ZNF791: variants seen among roughly 807,000 people sequenced by gnomAD.
ZNF791 encodes zinc finger protein 791.
Under a neutral mutation model 11.5 loss-of-function variants are expected in ZNF791, and 4 were observed. That is an observed-to-expected ratio of 0.35 (90% CI 0.17 to 0.80). The LOEUF is 0.80. ZNF791 is among the 30% of genes least tolerant of loss of function. The pLI, the probability that ZNF791 is intolerant of heterozygous loss-of-function variation, is 0.53. For synonymous variants in ZNF791, 212 were observed against 228.1 expected (o/e 0.93, Z 0.64); for missense variants, 559 against 699.4 (o/e 0.80, Z 2.26).
intron 1 of ZNF791, among the ~76,000 whole-genome samples, chr19:12,622,616 C>T (rs902919676): frequency 6.6e-6 from 1 of 151,304 alleles, no homozygotes; most frequent in Non-Finnish European, 1.5e-5. Context: ...AAACCCCAGC[C>T]GGAGGCAGTG....
intron 2 of ZNF791, 92 bp downstream of exon 2, chr19:12,623,918 C>G: frequency 7.2e-6 from 8 of 1,110,888 alleles, no homozygotes; most frequent in Non-Finnish European, 9.8e-6. Context: ...AGCAATGGCA[C>G]AATCTCAGCT....
chr19:12,619,194 C>T (rs963245641), intron 1 of ZNF791, among the ~76,000 whole-genome samples: 2 of 151,986 alleles, frequency 1.3e-5, no homozygotes, highest in African/African-American at 2.4e-5. Context: ...GCAGGCTATC[C>T]GTTCCAATGG....
intron 1 of ZNF791, among the ~76,000 whole-genome samples, chr19:12,614,729 G>T (rs969388208): frequency 3.3e-5 from 5 of 151,528 alleles, no homozygotes; most frequent in Admixed American, 3.3e-4. Context: ...CAGGTAGCTG[G>T]GATTACAGGC....
rs774430664 is a variant in ZNF791 at position 12,624,696 on chromosome 19, A to G, written c.177A>G (p.Gln59=). The change falls in exon 3 of 4, where the codon CAA becomes CAG. Residue 59 remains glutamine (Q), a synonymous_variant. Coordinates refer to ENST00000343325, the MANE Select transcript of ZNF791 (RefSeq NM_153358.3). ...DPNVEDQHKN[Q]GRNLRSHTGE... ...ATGTTGAAGATCAACACAAAAACCA[A>G]GGACGAAATCTAAGGTGAGTTGCAC... 6.2e-7 allele frequency: 1 copy of G among 1,608,154 alleles called. No homozygotes were observed. The highest frequency in any genetic ancestry group is 2.2e-5 in the East Asian group (1 of 44,618).
intron 1 of ZNF791, among the ~76,000 whole-genome samples, chr19:12,617,003 A>G (rs1334761895): frequency 8.9e-6 from 1 of 112,918 alleles, no homozygotes; most frequent in Non-Finnish European, 2.2e-5. Context: ...CCATGTATAA[A>G]TTTTTTGTGG....
Position 12,613,596 on chromosome 19 carries a change from T to A in ZNF791, c.3+2514T>A, listed in dbSNP as rs974638635. Among the ~76,000 whole-genome samples the A allele has an allele frequency of 1.6e-4, 24 of 151,912 alleles. No individual in the cohort carries two copies. In the South Asian group the frequency reaches 1.7e-3, roughly 11 times the overall value. On this transcript the variant is annotated intron_variant, in intron 1 of 3. Coordinates refer to ENST00000343325, the MANE Select transcript of ZNF791 (RefSeq NM_153358.3). ...ACTCCATCTCAAAACAAAAAAAAAATTTAATTAAATTGTCTCATTTAAAAT... is the reference window on the plus strand; with the variant it reads ...ACTCCATCTCAAAACAAAAAAAAAAATTAATTAAATTGTCTCATTTAAAAT...
At chr19:12,624,767 T>C (rs1599326142) in intron 3 of ZNF791, 57 bp downstream of exon 3, 3 of 1,426,046 alleles carry the variant, frequency 2.1e-6, no homozygotes, top group Middle Eastern at 2.1e-4. Context: ...AAAAATGTTA[T>C]GGCCGGGCAC....
intron 1 of ZNF791, chr19:12,623,381 G>A (rs901146414): frequency 6.8e-6 from 2 of 294,182 alleles, no homozygotes; most frequent in South Asian, 3.6e-5. Context: ...CTCCAGCCTA[G>A]GTAGCAGAGC....
At chr19:12,618,198 G>A (rs1183436710) in intron 1 of ZNF791, among the ~76,000 whole-genome samples, 3 of 152,024 alleles carry the variant, frequency 2.0e-5, no homozygotes, top group African/African-American at 4.8e-5. Context: ...GATTACAGGC[G>A]TGAGCCACCA....
At chr19:12,614,846 G>A (rs1360129775) in intron 1 of ZNF791, among the ~76,000 whole-genome samples, 1 of 139,844 alleles carries the variant, frequency 7.2e-6, no homozygotes, top group Non-Finnish European at 1.5e-5. Flanking sequence ...GCCCACCTTG[G>A]CCTCCCAGAG....
rs1460513465 is a variant in ZNF791, at chr19:12,624,510, G to A, written c.131-140G>A. On this transcript the variant is annotated intron_variant, in intron 2 of 3. Coordinates refer to ENST00000343325, the MANE Select transcript of ZNF791 (RefSeq NM_153358.3). Reference sequence around the variant, plus strand: ...CTGCCATTTCTTGCTCATAATCACTGTTCCGAGATTTGGAATCTGAAAAGG... The same window carrying A: ...CTGCCATTTCTTGCTCATAATCACTATTCCGAGATTTGGAATCTGAAAAGG... 6.4e-6 allele frequency: 4 copies of A among 628,334 alleles called. No homozygotes were observed. The East Asian group carries it at 1.3e-4, about 20-fold the overall frequency. 38.9% of individuals were successfully genotyped at this position (628,334 alleles called of 1,614,324 possible).
At chr19:12,618,634 G>A (rs1336107931) in intron 1 of ZNF791, among the ~76,000 whole-genome samples, 6 of 151,060 alleles carry the variant, frequency 4.0e-5, no homozygotes, top group Non-Finnish European at 5.9e-5. Context: ...ATGGTGGTGC[G>A]TGCCTGTAAT....
At chr19:12,612,670 C>G (rs8112697) in intron 1 of ZNF791, among the ~76,000 whole-genome samples, 1 of 145,640 alleles carries the variant, frequency 6.9e-6, no homozygotes, top group Non-Finnish European at 1.5e-5. Flanking sequence ...CCAGGATGGT[C>G]TCAATCTCCT....
At chr19:12,616,298 G>C (rs2023244071) in intron 1 of ZNF791, among the ~76,000 whole-genome samples, 1 of 152,128 alleles carries the variant, frequency 6.6e-6, no homozygotes, top group South Asian at 2.1e-4. Context: ...TGAGATTTAA[G>C]AGTTCGAATT....
At position 12,633,474 on chromosome 19, in the gene ZNF791, G is replaced by T. The variant is rs1413145369; in HGVS notation, c.*4214G>T. On this transcript the variant is annotated 3_prime_UTR_variant, in exon 4 of 4. Transcript: ENST00000343325. ...AGGTATTGGAACCCCACCATACAGG[G>T]AGACAGCCTGCTTCCTGCTCATTTT... 1 of 152,170 alleles carries T rather than the reference G, an allele frequency of 6.6e-6. No homozygotes were observed. The highest frequency in any genetic ancestry group is 1.5e-5 in the Non-Finnish European group (1 of 68,036). 9.4% of individuals were successfully genotyped at this position (152,170 alleles called of 1,614,324 possible). A position where few individuals can be genotyped will look rare whatever the true frequency, so the allele number is the denominator to read the frequency against.
intron 1 of ZNF791, among the ~76,000 whole-genome samples, chr19:12,622,379 AAAAAAAATAAT>A (rs1372786908): frequency 1.2e-4 from 16 of 129,652 alleles, no homozygotes; most frequent in African/African-American, 2.7e-4. Flanking sequence ...AATAATAAAT[AAAAAAAATAAT>A]AAAAAAAAGA....
chr19:12,628,165 A>T lies in ZNF791; in HGVS notation c.636A>T (p.Gly212=). The T allele has an allele frequency of 6.2e-7, 1 of 1,614,204 alleles. No individual in the cohort carries two copies. Among genetic ancestry groups the T allele is most frequent in the South Asian group, 1.1e-5 (1 of 91,070 alleles). The change falls in exon 4 of 4, where the codon GGA becomes GGT. Residue 212 remains glycine, a synonymous_variant. Transcript: ENST00000343325. The stretch of plus-strand genomic sequence containing the variant: ...GAGTTCATGAAAGGATTCACACTGG[A>T]GAAAAGCCCTATGAATGTAAACAAT... ...SLRVHERIHT[G]EKPYECKQCG... is the part of the protein sequence containing the mutation.
chr19:12,619,481 GATTTGT>G lies in ZNF791; in HGVS notation c.4-4218_4-4213del, dbSNP rs1340247061. 1.7e-4 allele frequency among the ~76,000 whole-genome samples: 19 copies of G among 114,932 alleles called. No individual in the cohort carries two copies. In the Admixed American group the frequency reaches 1.8e-3, roughly 11 times the overall value. 75.4% of individuals were successfully genotyped at this position (114,932 alleles called of 152,430 possible). On this transcript the variant is annotated intron_variant, in intron 1 of 3. Transcript: ENST00000343325. ...TTTTTTTTTTTTGAGACGGAGTCTC[GATTTGT>G]CTCCCAGGCTGGAGTGCAGTGGCGC... is the stretch of plus-strand genomic sequence containing the variant.
chr19:12,631,658 G>C lies in ZNF791; in HGVS notation c.*2398G>C, dbSNP rs974525181. Reference sequence around the variant, plus strand: ...GAAGCAGGAGAATCATTTGAACCTGGGAGGTGGAGGCTGCAGTGAGCTGAG... The same window carrying C: ...GAAGCAGGAGAATCATTTGAACCTGCGAGGTGGAGGCTGCAGTGAGCTGAG... On this transcript the variant is annotated 3_prime_UTR_variant, in exon 4 of 4. Transcript: ENST00000343325. 6.6e-6 allele frequency: 1 copy of C among 152,194 alleles called. No individual in the cohort carries two copies. Among genetic ancestry groups the C allele is most frequent in the African/African-American group, 2.4e-5 (1 of 41,430 alleles). 9.4% of individuals were successfully genotyped at this position (152,194 alleles called of 1,614,324 possible).
Sources: allele counts gnomAD v4.1 joint callset (sites outside exome capture counted in the v4.1 genomes callset), GRCh38; gene constraint gnomAD v4.1.1; transcripts MANE v1.5; gene names NCBI Gene and HGNC (gene_info 2026-07-23, HGNC 2026-07-21).